Variants in KLKB1 observed in about 807,000 individuals in gnomAD.
KLKB1 encodes kallikrein B1.
A neutral mutation model predicts 73.6 loss-of-function variants in KLKB1; 58 were observed. That is an observed-to-expected ratio of 0.79 (90% CI 0.64 to 0.98). The LOEUF (loss-of-function observed/expected upper bound fraction) is 0.98. Among genes scored for constraint, KLKB1 ranks in the 50% least tolerant of loss-of-function variants. KLKB1 has a pLI of 0.00. For synonymous variants in KLKB1, 280 were observed against 258.1 expected, an observed-to-expected ratio of 1.08 and a Z score of -0.81; for missense variants, 737 against 763.8, an observed-to-expected ratio of 0.96 and a Z score of 0.41.
upstream of KLKB1, among the ~76,000 whole-genome samples, chr4:186,225,517 C>T (rs529227196): frequency 5.4e-5 from 8 of 148,000 alleles, no homozygotes; most frequent in South Asian, 8.5e-4. Flanking sequence ...CTGCAAGCTC[C>T]GTCTCCTGGG....
In KLKB1 at chr4:186,236,905, A is replaced by C; in HGVS notation, c.453A>C (p.Ser151=). The C allele has an allele frequency of 6.2e-7, 1 of 1,614,126 alleles. No homozygotes were observed. Among genetic ancestry groups the C allele is most frequent in the Non-Finnish European group, 8.5e-7 (1 of 1,180,028 alleles). ...CTSNIRCQFF[S]YATQTFHKAE... ...GTAACATTCGCTGCCAGTTTTTTTC[A>C]TATGCCACGCAAACATTTCACAAGG... The change falls in exon 5 of 15, where the codon TCA becomes TCC. Residue 151 remains serine, a synonymous_variant. Transcript: ENST00000264690.
intron 11 of KLKB1, among the ~76,000 whole-genome samples, chr4:186,254,312 T>C (rs920279625): frequency 6.6e-6 from 1 of 152,222 alleles, no homozygotes; most frequent in African/African-American, 2.4e-5. Flanking sequence ...ACAGTGTCTC[T>C]CAAAAATGGG....
At chr4:186,242,069 G>A (rs1172720156) in intron 6 of KLKB1, among the ~76,000 whole-genome samples, 3 of 152,088 alleles carry the variant, frequency 2.0e-5, no homozygotes, top group African/African-American at 4.8e-5. Flanking sequence ...AGTGAAGGGA[G>A]ATGGGGTGGG....
chr4:186,241,849 T>G (rs926176061), intron 6 of KLKB1, among the ~76,000 whole-genome samples: 1 of 152,212 alleles, frequency 6.6e-6, no homozygotes, highest in African/African-American at 2.4e-5. Context: ...AACTGGTTGC[T>G]TGGCCAAAAT....
At chr4:186,215,609 G>A (rs1736881608) in intron 2 of KLKB1, among the ~76,000 whole-genome samples, 1 of 151,474 alleles carries the variant, frequency 6.6e-6, no homozygotes, top group South Asian at 2.1e-4. Flanking sequence ...TTTGAGACAG[G>A]GTCACCTAGG....
At chr4:186,220,703 C>T (rs2102576) in intron 2 of KLKB1, among the ~76,000 whole-genome samples, 1,760 of 152,244 alleles carry the variant, frequency 0.012, 36 homozygotes, top group African/African-American at 0.04. Flanking sequence ...TGAATTTAGT[C>T]TGGCTAATAT....
At chr4:186,245,017 G>A (rs1173597726) in intron 6 of KLKB1, among the ~76,000 whole-genome samples, 3 of 152,092 alleles carry the variant, frequency 2.0e-5, no homozygotes, top group African/African-American at 7.2e-5. Flanking sequence ...GGAAAGGGTG[G>A]CATTGAGGTG....
intron 2 of KLKB1, among the ~76,000 whole-genome samples, chr4:186,217,110 G>A (rs1736923470): frequency 1.3e-5 from 2 of 152,300 alleles, no homozygotes; most frequent in South Asian, 4.2e-4. Flanking sequence ...TGAATCTACA[G>A]AGGTTTTTTT....
At chr4:186,212,741 G>A (rs182068864) in intron 2 of KLKB1, 5 of 152,298 alleles carry the variant, frequency 3.3e-5, no homozygotes, top group African/African-American at 1.2e-4. Flanking sequence ...GATATCAAAG[G>A]AAGAGGTTGC....
chr4:186,255,284 G>A (rs1032531228), intron 12 of KLKB1, among the ~76,000 whole-genome samples: 2 of 152,212 alleles, frequency 1.3e-5, no homozygotes, highest in African/African-American at 4.8e-5. Context: ...TTCATGGTCA[G>A]GAATGGTGGC....
rs138717531 is a variant in KLKB1, at chr4:186,248,595, A to ATTTTTTTTT, written c.599-1637_599-1629dup. On this transcript the variant is annotated intron_variant, in intron 6 of 14. Transcript: ENST00000264690. ...TGATGAACATTTGAGTTGTTTCTGG[A>ATTTTTTTTT]TTTTTTTTTTTTTTTTTTTGCCTCT... 2.2e-3 allele frequency among the ~76,000 whole-genome samples: 254 copies of ATTTTTTTTT among 114,868 alleles called. 12 individuals carry two copies. The highest frequency in any genetic ancestry group is 7.8e-3 in the African/African-American group (218 of 27,974). 75.4% of individuals were successfully genotyped at this position (114,868 alleles called of 152,430 possible). A position where few individuals can be genotyped will look rare whatever the true frequency, so the allele number is the denominator to read the frequency against.
rs767152425 is a variant in KLKB1 at position 186,254,723 on chromosome 4, T to C, written c.1449T>C (p.Asp483=). Residue 483 remains aspartate, a synonymous_variant, in exon 12 of 15, where the codon GAT becomes GAC. Transcript: ENST00000264690. ...QNYKVSEGNH[D]IALIKLQAPL... ...ATAAAGTCTCAGAAGGGAATCATGA[T>C]ATCGCCTTGATAAAACTCCAGGCTC... is the stretch of plus-strand genomic sequence containing the variant. 1 of 1,613,918 alleles carries C rather than the reference T, an allele frequency of 6.2e-7. No homozygotes were observed. Among genetic ancestry groups the C allele is most frequent in the East Asian group, 2.2e-5 (1 of 44,882 alleles).
rs751739761 is a variant in KLKB1 at position 186,251,499 on chromosome 4, C to A, written c.881C>A (p.Ser294Tyr). Residue 294 changes from serine to tyrosine, a missense_variant, in exon 9 of 15, where the codon TCT becomes TAT. Transcript: ENST00000264690. ...ATAATTGACACAGAACCCTGCCATT[C>A]TAAAATTTACCCGGGAGTTGACTTT... ...CKRTLPEPCHSKIYPGVDFGG... is the reference protein window; with the variant it reads ...CKRTLPEPCHYKIYPGVDFGG... The A allele has an allele frequency of 1.7e-5, 28 of 1,613,728 alleles. No homozygotes were observed. The highest frequency in any genetic ancestry group is 2.0e-5 in the Non-Finnish European group (24 of 1,179,816).
chr4:186,217,630 G>T (rs925381355), intron 2 of KLKB1, among the ~76,000 whole-genome samples: 4 of 152,214 alleles, frequency 2.6e-5, no homozygotes, highest in African/African-American at 9.7e-5. Flanking sequence ...AGGAGATTTA[G>T]TGGGCAGGTC....
intron 4 of KLKB1, among the ~76,000 whole-genome samples, chr4:186,236,098 A>C (rs1164441880): frequency 3.5e-5 from 1 of 28,228 alleles, no homozygotes. Flanking sequence ...TGGGCGACAG[A>C]GCGAGACTCC....
Position 186,258,154 on chromosome 4 carries a change from G to A in KLKB1, c.1859G>A (p.Trp620Ter), listed in dbSNP as rs1367073156. Residue 620 changes from tryptophan to a stop codon, truncating the protein, a stop_gained, in exon 15 of 15, where the codon TGG becomes TAG. Coordinates refer to ENST00000264690, the MANE Select transcript of KLKB1 (RefSeq NM_000892.5). LOFTEE classifies it low-confidence loss of function (END_TRUNC). ...ACCAAAGTCGCTGAGTACATGGACTGGATTTTAGAGAAAACACAGAGCAGT... is the reference window on the plus strand; with the variant it reads ...ACCAAAGTCGCTGAGTACATGGACTAGATTTTAGAGAAAACACAGAGCAGT... Reference protein sequence around the residue: ...VYTKVAEYMDWILEKTQSSDG... With the variant: ...VYTKVAEYMD The A allele has an allele frequency of 1.9e-6, 3 of 1,614,024 alleles. No individual in the cohort carries two copies. Among genetic ancestry groups the A allele is most frequent in the African/African-American group, 2.7e-5 (2 of 74,894 alleles).
chr4:186,253,369 A>G (rs1319309009), intron 11 of KLKB1, among the ~76,000 whole-genome samples: 1 of 152,206 alleles, frequency 6.6e-6, no homozygotes, highest in East Asian at 1.9e-4. Flanking sequence ...TCGGTGGTAC[A>G]TGTGGGTGGA....
chr4:186,250,555 G>A (rs1738616654), intron 7 of KLKB1, 153 bp downstream of exon 7: 2 of 816,760 alleles, frequency 2.4e-6, no homozygotes, highest in Admixed American at 1.9e-5. Flanking sequence ...GTACTGTTCT[G>A]CCAGGTGCAG....
intron 2 of KLKB1, among the ~76,000 whole-genome samples, chr4:186,229,973 A>T (rs1009481315): frequency 1.3e-5 from 2 of 152,156 alleles, no homozygotes; most frequent in Non-Finnish European, 1.5e-5. Context: ...GAAACTTAAG[A>T]CAATACACAG....
Sources: gnomAD v4.1 joint callset for allele counts (sites outside exome capture counted in the v4.1 genomes callset) on GRCh38, gnomAD v4.1.1 for gene constraint, MANE v1.5 for transcripts, NCBI Gene and HGNC (gene_info 2026-07-23, HGNC 2026-07-21) for gene names.